ATXN10: variants seen among roughly 807,000 people sequenced by gnomAD.
The protein encoded by ATXN10 is ataxin-10.
Under a neutral mutation model 52.9 loss-of-function variants are expected in ATXN10, and 28 were observed. The ratio of observed to expected loss-of-function variants is 0.53; its 90% CI spans 0.39 to 0.73. The LOEUF is 0.73. Ranked by LOEUF, ATXN10 falls within the 30% of genes least tolerant of loss-of-function variation. The probability of loss-of-function intolerance (pLI) is 0.00; values close to 1 mark genes in which losing one functional copy is unlikely to be tolerated. For missense variants in ATXN10, 565 were observed against 577.0 expected, an observed-to-expected ratio of 0.98 and a Z score of 0.21; for synonymous variants, 226 against 221.5, an observed-to-expected ratio of 1.02 and a Z score of -0.18.
Position 45,740,352 on chromosome 22 carries a change from T to C in ATXN10, c.1004-17T>C. ...TTACTTTTCTGTGGAAAATGAAGTT[T>C]ACTCTTTTGGTTATAGATCTTTTGC... On this transcript the variant is annotated splice_polypyrimidine_tract_variant and intron_variant, in intron 8 of 11. Coordinates refer to ENST00000252934, the MANE Select transcript of ATXN10 (RefSeq NM_013236.4). 1 of 1,613,722 alleles carries C rather than the reference T, an allele frequency of 6.2e-7. No individual in the cohort carries two copies. The highest frequency in any genetic ancestry group is 8.5e-7 in the Non-Finnish European group (1 of 1,179,736).
chr22:45,833,838 G>A lies in ATXN10; in HGVS notation c.1238-9153G>A, dbSNP rs576006184. Among the ~76,000 whole-genome samples the A allele has an allele frequency of 3.3e-5, 5 of 152,272 alleles. No homozygotes were observed. The South Asian group carries it at 8.3e-4, about 25-fold the overall frequency. ...AGAGGTCTCTCTGGATGGACTGGTC[G>A]CGAGAGCACACTTAGCAGCGATACG... On this transcript the variant is annotated intron_variant, in intron 10 of 11. Coordinates refer to ENST00000252934, the MANE Select transcript of ATXN10 (RefSeq NM_013236.4). This position sits in a 1 kb window ranked among gnomAD's most constrained non-coding sequence, Gnocchi z 4.3.
rs963546752 is a variant in ATXN10, at chr22:45,840,400, A to G, written c.1238-2591A>G. On this transcript the variant is annotated intron_variant, in intron 10 of 11. Transcript: ENST00000252934. The surrounding 1 kb of genome is among the most constrained non-coding windows in gnomAD (Gnocchi z 5.8). ...CTAATCTAAGCAGGTGCCGAGGGGT[A>G]GCTAAGACAGGGAAGGCTTCCGGGA... Among the ~76,000 whole-genome samples the G allele has an allele frequency of 3.3e-5, 5 of 152,130 alleles. No homozygotes were observed. Among genetic ancestry groups the G allele is most frequent in the Admixed American group, 6.5e-5 (1 of 15,288 alleles).
chr22:45,725,897 G>A (rs1924850434), intron 6 of ATXN10, among the ~76,000 whole-genome samples: 1 of 152,028 alleles, frequency 6.6e-6, no homozygotes, highest in Non-Finnish European at 1.5e-5. Context: ...CGTTTTTTCT[G>A]CGTCTATTGG....
At chr22:45,680,211 G>A (rs1401171548) in intron 1 of ATXN10, 2 of 152,208 alleles carry the variant, frequency 1.3e-5, no homozygotes, top group Non-Finnish European at 2.9e-5. Flanking sequence ...TTTGTGTACT[G>A]CTTAGAACAG....
At chr22:45,767,689 A>G (rs1352724730) in intron 9 of ATXN10, among the ~76,000 whole-genome samples, 1 of 152,198 alleles carries the variant, frequency 6.6e-6, no homozygotes, top group African/African-American at 2.4e-5. Context: ...AAGAAAAAAA[A>G]GGGAGAGGGT....
chr22:45,758,032 C>A (rs570634037), intron 9 of ATXN10, among the ~76,000 whole-genome samples: 1 of 152,338 alleles, frequency 6.6e-6, no homozygotes, highest in South Asian at 2.1e-4. Context: ...ATGGCAGAGA[C>A]GGATGCAACT....
At position 45,783,631 on chromosome 22, in the gene ATXN10, C is replaced by T. The variant is rs555773311; in HGVS notation, c.1174-23328C>T. 6.6e-6 allele frequency among the ~76,000 whole-genome samples: 1 copy of T among 152,310 alleles called. No homozygotes were observed. Among genetic ancestry groups the T allele is most frequent in the Admixed American group, 6.5e-5 (1 of 15,310 alleles). On this transcript the variant is annotated intron_variant, in intron 9 of 11. Coordinates refer to ENST00000252934, the MANE Select transcript of ATXN10 (RefSeq NM_013236.4). The surrounding 1 kb of genome is among the most constrained non-coding windows in gnomAD (Gnocchi z 5.0). Reference sequence around the variant, plus strand: ...TTTGCTTGTCTGTGGGGCCTTCTCTCTCCCTTATCCCCACCCACATCCTGA... The same window carrying T: ...TTTGCTTGTCTGTGGGGCCTTCTCTTTCCCTTATCCCCACCCACATCCTGA...
At chr22:45,788,155 G>T (rs1303449697) in intron 9 of ATXN10, among the ~76,000 whole-genome samples, 1 of 152,082 alleles carries the variant, frequency 6.6e-6, no homozygotes, top group Non-Finnish European at 1.5e-5. Flanking sequence ...GTTGAGCCCA[G>T]ACATGTCCCT....
intron 9 of ATXN10, among the ~76,000 whole-genome samples, chr22:45,803,143 G>A (rs182115906): frequency 6.6e-6 from 1 of 152,254 alleles, no homozygotes; most frequent in East Asian, 1.9e-4. Flanking sequence ...TTTGAAGAAG[G>A]CACTATCATC....
chr22:45,778,555 A>G (rs1331163837), intron 9 of ATXN10, among the ~76,000 whole-genome samples: 4 of 152,222 alleles, frequency 2.6e-5, no homozygotes, highest in Admixed American at 2.0e-4. Context: ...TGGAACCCTT[A>G]TAAGTCCGCG....
chr22:45,745,830 T>C (rs1275732134), intron 9 of ATXN10, among the ~76,000 whole-genome samples: 2 of 152,194 alleles, frequency 1.3e-5, no homozygotes, highest in Non-Finnish European at 2.9e-5. Context: ...CACTTTTAGG[T>C]TCTGAAGATA....
intron 10 of ATXN10, among the ~76,000 whole-genome samples, chr22:45,809,194 A>C (rs1928200434): frequency 6.6e-6 from 1 of 152,204 alleles, no homozygotes; most frequent in Admixed American, 6.5e-5. Context: ...GACATGATAC[A>C]ATTTCAAAAT....
In ATXN10 at chr22:45,818,465, G is replaced by A. The variant is rs932873029; in HGVS notation, c.1237+11443G>A. On this transcript the variant is annotated intron_variant, in intron 10 of 11. Coordinates refer to ENST00000252934, the MANE Select transcript of ATXN10 (RefSeq NM_013236.4). This position sits in a 1 kb window ranked among gnomAD's most constrained non-coding sequence, Gnocchi z 4.6. ...TCTGGTTTACCTGTGTTAAAAGCAA[G>A]ACTCTGCATGCTTATTCTCACATCA... is the stretch of plus-strand genomic sequence containing the variant. 1.3e-5 allele frequency among the ~76,000 whole-genome samples: 2 copies of A among 152,148 alleles called. No individual in the cohort carries two copies. Among genetic ancestry groups the A allele is most frequent in the Admixed American group, 1.3e-4 (2 of 15,274 alleles).
intron 9 of ATXN10, among the ~76,000 whole-genome samples, chr22:45,776,619 C>T (rs1298380489): frequency 6.6e-6 from 1 of 152,130 alleles, no homozygotes; most frequent in East Asian, 1.9e-4. Context: ...CTGCATGGCT[C>T]AGCTGCCCAC....
At chr22:45,756,903 C>T (rs1466513004) in intron 9 of ATXN10, among the ~76,000 whole-genome samples, 1 of 152,170 alleles carries the variant, frequency 6.6e-6, no homozygotes, top group Non-Finnish European at 1.5e-5. Flanking sequence ...TAAATGAAAT[C>T]ATTTCCATGG....
chr22:45,757,076 C>T lies in ATXN10; in HGVS notation c.1173+16538C>T, dbSNP rs1023334719. On this transcript the variant is annotated intron_variant, in intron 9 of 11. Transcript: ENST00000252934. This position sits in a 1 kb window ranked among gnomAD's most constrained non-coding sequence, Gnocchi z 4.6. ...AGTGGCTGTGCCCTCCTCCTATTTG[C>T]GGAGGAATGGCTTTGGTCTGCACCT... is the stretch of plus-strand genomic sequence containing the variant. Among the ~76,000 whole-genome samples the T allele has an allele frequency of 1.3e-5, 2 of 151,946 alleles. No homozygotes were observed. The highest frequency in any genetic ancestry group is 2.9e-5 in the Non-Finnish European group (2 of 68,000).
chr22:45,702,334 C>T (rs939918221), intron 4 of ATXN10, among the ~76,000 whole-genome samples: 3 of 152,180 alleles, frequency 2.0e-5, no homozygotes, highest in African/African-American at 7.2e-5. Flanking sequence ...AAAGCAGTGC[C>T]AGCAGTCATT....
rs1928535302 is a variant in ATXN10, at chr22:45,818,390, G to C, written c.1237+11368G>C. Among the ~76,000 whole-genome samples the C allele has an allele frequency of 6.6e-6, 1 of 152,188 alleles. No homozygotes were observed. The highest frequency in any genetic ancestry group is 2.4e-5 in the African/African-American group (1 of 41,442). ...TGCGTTTGTCCTGCCAAGCCTGGTT[G>C]CTCAGCTCTCCCTGGCTCTCAGGAG... On this transcript the variant is annotated intron_variant, in intron 10 of 11. Transcript: ENST00000252934. This position sits in a 1 kb window ranked among gnomAD's most constrained non-coding sequence, Gnocchi z 4.6.
intron 10 of ATXN10, among the ~76,000 whole-genome samples, chr22:45,814,022 A>G (rs1402276888): frequency 6.6e-6 from 1 of 152,206 alleles, no homozygotes; most frequent in Admixed American, 6.5e-5. Flanking sequence ...GGAAAACATG[A>G]CCTGGGAATC....
Sources: allele counts gnomAD v4.1 joint callset (sites outside exome capture counted in the v4.1 genomes callset), GRCh38; gene constraint gnomAD v4.1.1; non-coding constraint Gnocchi (gnomAD v3.1); transcripts MANE v1.5; gene names NCBI Gene and HGNC (gene_info 2026-07-23, HGNC 2026-07-21).